NRXN3: variants seen among roughly 807,000 people sequenced by gnomAD.
NRXN3 encodes neurexin III.
NRXN3 carries 32 observed loss-of-function variants against 137.6 expected under a neutral mutation model. The ratio of observed to expected loss-of-function variants is 0.23; its 90% confidence interval spans 0.18 to 0.31. The LOEUF (loss-of-function observed/expected upper bound fraction) is 0.31, where lower values mean the gene tolerates loss of function less well. Among genes scored for constraint, NRXN3 ranks in the 10% least tolerant of loss-of-function variants. The pLI, the probability that NRXN3 is intolerant of heterozygous loss-of-function variation, is 1.00. For missense variants in NRXN3, 1,574 were observed against 2,062.5 expected (o/e 0.76, Z 4.59); for synonymous variants, 798 against 784.5 (o/e 1.02, Z -0.29).
At chr14:78,750,969 A>C (rs1256122132) in intron 8 of NRXN3, among the ~76,000 whole-genome samples, 1 of 152,230 alleles carries the variant, frequency 6.6e-6, no homozygotes, top group East Asian at 1.9e-4. Context: ...TTAAACTGAC[A>C]TTAACACTGA....
chr14:79,696,638 G>A (rs1335519842), intron 18 of NRXN3, among the ~76,000 whole-genome samples: 1 of 151,906 alleles, frequency 6.6e-6, no homozygotes, highest in Non-Finnish European at 1.5e-5. Flanking sequence ...AAAGAGTTGG[G>A]AGGAATTTTA....
intron 20 of NRXN3, among the ~76,000 whole-genome samples, chr14:79,857,683 C>T (rs1289921132): frequency 6.6e-6 from 1 of 151,942 alleles, no homozygotes; most frequent in Middle Eastern, 3.2e-3. Flanking sequence ...TACACTTGTC[C>T]CAGGCATTTT....
At chr14:78,371,051 G>GAAAT (rs1456477082) in intron 4 of NRXN3, among the ~76,000 whole-genome samples, 2 of 152,142 alleles carry the variant, frequency 1.3e-5, no homozygotes, top group East Asian at 3.9e-4. Context: ...AGGAGGCAGG[G>GAAAT]AAATACTGGG....
At chr14:79,627,432 T>A (rs562307290) in intron 16 of NRXN3, among the ~76,000 whole-genome samples, 1 of 152,298 alleles carries the variant, frequency 6.6e-6, no homozygotes, top group East Asian at 1.9e-4. Flanking sequence ...CTGAGTTCTA[T>A]CTTGGTGCAT....
chr14:79,797,840 C>G (rs935408519), intron 19 of NRXN3, among the ~76,000 whole-genome samples: 4 of 152,162 alleles, frequency 2.6e-5, no homozygotes, highest in Admixed American at 2.6e-4. Context: ...TGCCTGTAGT[C>G]CCAGCACTTT....
At chr14:78,329,446 A>C (rs1251797677) in intron 4 of NRXN3, among the ~76,000 whole-genome samples, 1 of 152,202 alleles carries the variant, frequency 6.6e-6, no homozygotes, top group African/African-American at 2.4e-5. Context: ...TTGATCACAG[A>C]GTACCTTGTT....
chr14:78,743,644 T>C (rs573797550), intron 8 of NRXN3, among the ~76,000 whole-genome samples: 1 of 152,334 alleles, frequency 6.6e-6, no homozygotes, highest in South Asian at 2.1e-4. Flanking sequence ...GAGCCATCCT[T>C]AGCTGAACAT....
intron 4 of NRXN3, among the ~76,000 whole-genome samples, chr14:78,596,272 T>C (rs1054283731): frequency 2.0e-5 from 3 of 152,196 alleles, no homozygotes; most frequent in African/African-American, 7.2e-5. Context: ...TCCCAAGCTC[T>C]CTTCACTATT....
At chr14:79,830,175 C>A (rs530161706) in intron 20 of NRXN3, among the ~76,000 whole-genome samples, 1 of 152,246 alleles carries the variant, frequency 6.6e-6, no homozygotes, top group South Asian at 2.1e-4. Flanking sequence ...GAATGAAGTT[C>A]TAGGGAGCAT....
intron 1 of NRXN3, among the ~76,000 whole-genome samples, chr14:78,196,363 T>C (rs1272109019): frequency 2.0e-5 from 3 of 152,258 alleles, no homozygotes; most frequent in Admixed American, 1.3e-4. Context: ...TTAGGAATTA[T>C]GCTAAGCATT....
chr14:79,505,638 C>T (rs138816373), intron 16 of NRXN3, among the ~76,000 whole-genome samples: 1 of 152,302 alleles, frequency 6.6e-6, no homozygotes, highest in East Asian at 1.9e-4. Flanking sequence ...TATTACCTTA[C>T]ATAGTTATCA....
intron 1 of NRXN3, among the ~76,000 whole-genome samples, chr14:78,203,883 C>T (rs2061934045): frequency 6.9e-6 from 1 of 144,658 alleles, no homozygotes; most frequent in South Asian, 2.2e-4. Context: ...GTTTGTGTGT[C>T]TGTATTAGAT....
At chr14:79,164,233 A>C (rs556793849) in intron 15 of NRXN3, among the ~76,000 whole-genome samples, 62 of 152,102 alleles carry the variant, frequency 4.1e-4, no homozygotes, top group Non-Finnish European at 7.4e-4. Context: ...ATTCTTTAGC[A>C]TACATAAACA....
intron 20 of NRXN3, among the ~76,000 whole-genome samples, chr14:79,842,546 T>C (rs889670898): frequency 1.3e-5 from 2 of 152,126 alleles, no homozygotes; most frequent in African/African-American, 4.8e-5. Context: ...GGATTTTGAT[T>C]TGGGGAAACC....
At chr14:79,422,391 T>C (rs1390771894) in intron 15 of NRXN3, among the ~76,000 whole-genome samples, 2 of 152,152 alleles carry the variant, frequency 1.3e-5, no homozygotes, top group Non-Finnish European at 2.9e-5. Flanking sequence ...AGCTACTCCA[T>C]TCATTTGCTG....
intron 15 of NRXN3, among the ~76,000 whole-genome samples, chr14:79,083,249 G>A (rs1304766913): frequency 6.6e-6 from 1 of 152,172 alleles, no homozygotes; most frequent in East Asian, 1.9e-4. Flanking sequence ...AGGAGTATTG[G>A]CAGAGTGAAG....
chr14:79,775,789 T>C (rs11625485), intron 19 of NRXN3, among the ~76,000 whole-genome samples: 89,579 of 151,854 alleles, frequency 0.59, 27,750 homozygotes, highest in African/African-American at 0.77. Flanking sequence ...AGAAAGGCTA[T>C]GTTTGAAGAT....
intron 10 of NRXN3, among the ~76,000 whole-genome samples, chr14:78,917,570 A>T (rs541039314): frequency 6.6e-6 from 1 of 152,376 alleles, no homozygotes; most frequent in South Asian, 2.1e-4. Flanking sequence ...TCAGGCATCT[A>T]TAGCCATTTA....
intron 15 of NRXN3, among the ~76,000 whole-genome samples, chr14:79,269,833 T>C (rs1410341463): frequency 6.6e-6 from 1 of 152,096 alleles, no homozygotes; most frequent in Non-Finnish European, 1.5e-5. Context: ...AATAGAAACA[T>C]AAAATTGTTA....
Sources: gnomAD v4.1 joint callset for allele counts (sites outside exome capture counted in the v4.1 genomes callset) on GRCh38, gnomAD v4.1.1 for gene constraint, MANE v1.5 for transcripts, NCBI Gene and HGNC (gene_info 2026-07-23, HGNC 2026-07-21) for gene names.